The following ADAMTS17 variants were observed in gnomAD, a reference collection of about 807,000 sequenced individuals.
The protein encoded by ADAMTS17 is A disintegrin and metalloproteinase with thrombospondin motifs 17.
Under a neutral mutation model 141.5 loss-of-function variants are expected in ADAMTS17, and 113 were observed. The observed-to-expected ratio is 0.80, with a 90% CI of 0.69 to 0.93. ADAMTS17 has a LOEUF of 0.93. ADAMTS17 is among the 40% of genes least tolerant of loss of function. The pLI is 0.00. For missense variants in ADAMTS17, 1,659 were observed against 1,517.9 expected (o/e 1.09, Z -1.54); for synonymous variants, 768 against 630.6 (o/e 1.22, Z -3.27).
intron 8 of ADAMTS17, among the ~76,000 whole-genome samples, chr15:100,158,520 A>G (rs1183437276): frequency 6.6e-6 from 1 of 152,114 alleles, no homozygotes. Context: ...GCGGACTACA[A>G]TTGCAATGCT....
intron 18 of ADAMTS17, among the ~76,000 whole-genome samples, chr15:100,020,406 G>A (rs1356221630): frequency 6.6e-6 from 1 of 152,212 alleles, no homozygotes; most frequent in Non-Finnish European, 1.5e-5. Context: ...GGCAGAGGCA[G>A]GGCTCCAACA....
intron 8 of ADAMTS17, among the ~76,000 whole-genome samples, chr15:100,194,320 C>T (rs1387987346): frequency 2.6e-5 from 4 of 152,308 alleles, no homozygotes; most frequent in East Asian, 3.9e-4. Context: ...CTAGGACCAG[C>T]TCCTCCTACC....
rs143967511 is a variant in ADAMTS17 at position 99,973,222 on chromosome 15, C to T, written c.*1180G>A. On this transcript the variant is annotated 3_prime_UTR_variant, in exon 22 of 22. Coordinates refer to ENST00000268070, the MANE Select transcript of ADAMTS17 (RefSeq NM_139057.4). ...CACCAAGAAGATGGGTCAATGATGACAGGCGTGATGATAATGGGTACCACA... is the reference window on the plus strand; with the variant it reads ...CACCAAGAAGATGGGTCAATGATGATAGGCGTGATGATAATGGGTACCACA... 2 of 152,172 alleles carry T rather than the reference C, an allele frequency of 1.3e-5. No homozygotes were observed. Among genetic ancestry groups the T allele is most frequent in the Non-Finnish European group, 2.9e-5 (2 of 68,052 alleles). The allele number at this position is 152,172 out of a possible 1,614,324, so 9.4% of individuals were successfully genotyped here.
At chr15:100,230,207 T>TCA (rs2042434706) in intron 7 of ADAMTS17, among the ~76,000 whole-genome samples, 1 of 152,178 alleles carries the variant, frequency 6.6e-6, no homozygotes, top group Non-Finnish European at 1.5e-5. Flanking sequence ...CACAAACACG[T>TCA]CACGAATGAC....
chr15:100,119,385 A>T (rs1330846866), intron 12 of ADAMTS17, among the ~76,000 whole-genome samples: 1 of 152,208 alleles, frequency 6.6e-6, no homozygotes, highest in African/African-American at 2.4e-5. Context: ...CAAAACACGG[A>T]CTGGAAGGGA....
chr15:100,286,103 C>T (rs772801071), intron 3 of ADAMTS17, among the ~76,000 whole-genome samples: 5 of 152,118 alleles, frequency 3.3e-5, no homozygotes, highest in African/African-American at 7.2e-5. Flanking sequence ...CAGCCTCCAC[C>T]GACGCGACCA....
intron 18 of ADAMTS17, among the ~76,000 whole-genome samples, chr15:100,033,487 G>C (rs1403033058): frequency 1.3e-5 from 2 of 152,166 alleles, no homozygotes; most frequent in Non-Finnish European, 2.9e-5. Context: ...GGGTTGGACA[G>C]TCTTCATTTC....
At chr15:100,111,895 G>A (rs1220328371) in intron 13 of ADAMTS17, among the ~76,000 whole-genome samples, 2 of 152,188 alleles carry the variant, frequency 1.3e-5, no homozygotes, top group Admixed American at 6.5e-5. Flanking sequence ...GTCACGCCCC[G>A]CCTCTTGGCT....
intron 7 of ADAMTS17, among the ~76,000 whole-genome samples, chr15:100,219,342 G>C (rs374714908): frequency 2.6e-5 from 4 of 152,180 alleles, no homozygotes; most frequent in African/African-American, 9.7e-5. Flanking sequence ...AAACTTTATG[G>C]TATGCAAATT....
chr15:100,169,048 C>T (rs2040061095), intron 8 of ADAMTS17, among the ~76,000 whole-genome samples: 1 of 152,216 alleles, frequency 6.6e-6, no homozygotes. Context: ...GGTGTATCAC[C>T]ACTGTGGGCT....
intron 8 of ADAMTS17, among the ~76,000 whole-genome samples, chr15:100,187,010 C>T (rs1433812835): frequency 1.3e-5 from 2 of 152,180 alleles, no homozygotes; most frequent in Non-Finnish European, 2.9e-5. Context: ...ATGTGGTCTG[C>T]CACTCCCATT....
chr15:100,268,553 A>G (rs1017329362), intron 4 of ADAMTS17, among the ~76,000 whole-genome samples: 2 of 152,112 alleles, frequency 1.3e-5, no homozygotes, highest in Admixed American at 1.3e-4. Flanking sequence ...GCTGATGTGG[A>G]GCATCTTTTC....
At chr15:100,057,093 C>G (rs1471696780) in intron 15 of ADAMTS17, among the ~76,000 whole-genome samples, 1 of 152,008 alleles carries the variant, frequency 6.6e-6, no homozygotes, top group Non-Finnish European at 1.5e-5. Context: ...TCCTGATCCT[C>G]AGAGGCCAGG....
At chr15:100,051,334 G>T (rs114344418) in intron 17 of ADAMTS17, among the ~76,000 whole-genome samples, 1 of 152,180 alleles carries the variant, frequency 6.6e-6, no homozygotes, top group Admixed American at 6.5e-5. Context: ...TCACCCATAG[G>T]TCAGAGCTGT....
At chr15:100,125,639 G>A (rs1055754399) in intron 12 of ADAMTS17, among the ~76,000 whole-genome samples, 4 of 152,144 alleles carry the variant, frequency 2.6e-5, no homozygotes, top group South Asian at 2.1e-4. Flanking sequence ...CTGTCGAGGG[G>A]TAACAGAAGG....
intron 3 of ADAMTS17, among the ~76,000 whole-genome samples, chr15:100,318,347 C>T (rs912856439): frequency 6.6e-6 from 1 of 151,894 alleles, no homozygotes; most frequent in Non-Finnish European, 1.5e-5. Flanking sequence ...GACATTGAGA[C>T]CTAACCTACA....
At chr15:100,070,552 ACG>A (rs2033894403) in intron 15 of ADAMTS17, among the ~76,000 whole-genome samples, 1 of 150,290 alleles carries the variant, frequency 6.7e-6, no homozygotes, top group Non-Finnish European at 1.5e-5. Context: ...CTCTCAGACC[ACG>A]GTGCAATCAA....
At chr15:100,042,498 C>T (rs1282867327) in intron 18 of ADAMTS17, among the ~76,000 whole-genome samples, 1 of 152,192 alleles carries the variant, frequency 6.6e-6, no homozygotes, top group African/African-American at 2.4e-5. Context: ...TCTGAGCAAC[C>T]TCAGCATACA....
At chr15:100,334,714 G>A (rs370044051) in intron 2 of ADAMTS17, among the ~76,000 whole-genome samples, 2 of 152,270 alleles carry the variant, frequency 1.3e-5, no homozygotes, top group South Asian at 2.1e-4. Context: ...CCCCTCCCCC[G>A]GTCCCGCCGC....
Sources: allele counts gnomAD v4.1 joint callset (sites outside exome capture counted in the v4.1 genomes callset), GRCh38; gene constraint gnomAD v4.1.1; transcripts MANE v1.5; gene names NCBI Gene and HGNC (gene_info 2026-07-23, HGNC 2026-07-21).